ZNF330: variants seen among roughly 807,000 people sequenced by gnomAD.
ZNF330 encodes zinc finger protein 330.
ZNF330 carries 31 observed loss-of-function variants against 45.5 expected under a neutral mutation model. The observed-to-expected ratio is 0.68, with a 90% CI of 0.51 to 0.92. ZNF330 has a LOEUF of 0.92. Among genes scored for constraint, ZNF330 ranks in the 40% least tolerant of loss-of-function variants. ZNF330 has a pLI of 0.00. For missense variants in ZNF330, 356 were observed against 387.4 expected, an observed-to-expected ratio of 0.92 and a Z score of 0.68; for synonymous variants, 138 against 123.2, an observed-to-expected ratio of 1.12 and a Z score of -0.79.
chr4:141,225,686 C>G (rs1477614415), intron 4 of ZNF330, among the ~76,000 whole-genome samples: 1 of 151,960 alleles, frequency 6.6e-6, no homozygotes, highest in African/African-American at 2.4e-5. Context: ...CTTTTCAATT[C>G]CACAATTAAT....
chr4:141,223,141 A>G (rs1366981275), intron 2 of ZNF330, among the ~76,000 whole-genome samples: 5 of 152,042 alleles, frequency 3.3e-5, no homozygotes, highest in Non-Finnish European at 5.9e-5. Flanking sequence ...GCAAACGTTT[A>G]TTGTGCATCT....
intron 4 of ZNF330, among the ~76,000 whole-genome samples, chr4:141,225,296 A>G (rs1006284634): frequency 1.3e-5 from 2 of 152,142 alleles, no homozygotes; most frequent in African/African-American, 4.8e-5. Context: ...TGTTTCCCAA[A>G]TAGTCTTCCA....
At position 141,224,520 on chromosome 4, in the gene ZNF330, C is replaced by T. The variant is rs769588287; in HGVS notation, c.140+14C>T. 23 of 1,604,534 alleles carry T rather than the reference C, an allele frequency of 1.4e-5. No individual in the cohort carries two copies. The highest frequency in any genetic ancestry group is 1.7e-5 in the Non-Finnish European group (20 of 1,172,356). On this transcript the variant is annotated intron_variant, in intron 3 of 9. Transcript: ENST00000262990. ...CAAGTGTCAGAGGTAAATTTTATTT[C>T]TTTTTCTATCTACCTTTAATAAAAT...
In ZNF330 at chr4:141,222,622, G is replaced by A. The variant is rs536167779; in HGVS notation, c.120+131G>A. On this transcript the variant is annotated intron_variant, in intron 2 of 9. Transcript: ENST00000262990. The stretch of plus-strand genomic sequence containing the variant: ...GTTTGTTGCTGAATTTAGTATCTCT[G>A]GCACGTCTGTTGATTTCACTGAGTG... The A allele has an allele frequency of 4.3e-4, 398 of 930,454 alleles. 8 individuals are homozygous for A. In the South Asian group the frequency reaches 7.4e-3, roughly 17 times the overall value. 57.6% of individuals were successfully genotyped at this position (930,454 alleles called of 1,614,324 possible).
chr4:141,228,776 T>C (rs1317759381), intron 5 of ZNF330, among the ~76,000 whole-genome samples: 1 of 152,004 alleles, frequency 6.6e-6, no homozygotes, highest in Non-Finnish European at 1.5e-5. Context: ...ATTGAGATTC[T>C]GAAATCCTGG....
At position 141,233,942 on chromosome 4, in the gene ZNF330, A is replaced by G; in HGVS notation, c.916A>G (p.Arg306Gly). 5.6e-6 allele frequency: 9 copies of G among 1,613,740 alleles called. No individual in the cohort carries two copies. The highest frequency in any genetic ancestry group is 5.9e-6 in the Non-Finnish European group (7 of 1,179,746). The stretch of plus-strand genomic sequence containing the variant: ...TTTGTTTACTAATTTGAATTTAGGA[A>G]GGACCTATGCTAGTGGCTATGCTCA... ...SDLFTNLNLG[R>G]TYASGYAHYE... The change falls in exon 10 of 10, where the codon AGG (arginine) becomes GGG (glycine). Residue 306 changes from arginine (R) to glycine (G), a missense_variant. Transcript: ENST00000262990.
intron 5 of ZNF330, among the ~76,000 whole-genome samples, chr4:141,227,516 AT>A (rs1349342235): frequency 6.6e-6 from 1 of 151,950 alleles, no homozygotes; most frequent in East Asian, 1.9e-4. Flanking sequence ...TATGTGCCAC[AT>A]TTTCTTAATC....
chr4:141,223,924 T>C, intron 2 of ZNF330: 1 of 375,374 alleles, frequency 2.7e-6, no homozygotes, highest in Non-Finnish European at 5.3e-6. Context: ...AAGACATATT[T>C]GGAGAATGGC....
In ZNF330 at chr4:141,229,774, AGATTTTTTTCAG is replaced by A. The variant is rs145926381; in HGVS notation, c.418+81_418+92del. On this transcript the variant is annotated intron_variant, in intron 6 of 9. Transcript: ENST00000262990. Reference sequence around the variant, plus strand: ...TGAAACATTTTGAATGCTGTTTTTGAGATTTTTTTCAGGATACTGTCAATCCTAACTACTGGT... The same window carrying A: ...TGAAACATTTTGAATGCTGTTTTTGAGATACTGTCAATCCTAACTACTGGT... The A allele has an allele frequency of 6.1e-3, 9,663 of 1,588,368 alleles. 508 individuals are homozygous for A. The African/African-American group carries it at 0.11, about 19-fold the overall frequency.
chr4:141,220,796 T>C (rs1377063468), upstream of ZNF330: 2 of 152,320 alleles, frequency 1.3e-5, no homozygotes, highest in East Asian at 1.9e-4. Flanking sequence ...GATCCTCTGC[T>C]TAGGAATGGG....
At chr4:141,221,794 G>GAC (rs3836663) in intron 1 of ZNF330, among the ~76,000 whole-genome samples, 4 of 151,880 alleles carry the variant, frequency 2.6e-5, no homozygotes, top group African/African-American at 9.7e-5. Flanking sequence ...ATTTGTTAAA[G>GAC]TCAGAGCAAC....
chr4:141,230,732 C>G (rs1331340136), intron 7 of ZNF330, among the ~76,000 whole-genome samples: 1 of 152,028 alleles, frequency 6.6e-6, no homozygotes, highest in African/African-American at 2.4e-5. Context: ...TGTAGATGTC[C>G]AGGCCTCATC....
chr4:141,224,184 A>G, intron 2 of ZNF330, among the ~76,000 whole-genome samples: 1 of 152,230 alleles, frequency 6.6e-6, no homozygotes, highest in East Asian at 1.9e-4. Flanking sequence ...TCAAAAGGAT[A>G]GTTCTTGTGT....
chr4:141,221,287 A>G (rs938602751), intron 1 of ZNF330, among the ~76,000 whole-genome samples, 179 bp downstream of exon 1: 6 of 152,208 alleles, frequency 3.9e-5, no homozygotes, highest in Non-Finnish European at 5.9e-5. Flanking sequence ...TGACACACGC[A>G]GTGCATGCAA....
chr4:141,230,076 C>T (rs895899771), intron 6 of ZNF330, 90 bp from the exon 7 acceptor site: 43 of 912,044 alleles, frequency 4.7e-5, no homozygotes, highest in Non-Finnish European at 4.7e-5. Flanking sequence ...TCCAAAGTAA[C>T]TTACCATCTC....
At chr4:141,220,884 C>A (rs890936192), upstream of ZNF330, 6 of 152,266 alleles carry the variant, frequency 3.9e-5, no homozygotes, top group African/African-American at 1.4e-4. Flanking sequence ...TGACGTCAGC[C>A]GTAAGGCGCT....
intron 8 of ZNF330, among the ~76,000 whole-genome samples, chr4:141,232,146 C>T (rs1728975748): frequency 6.6e-6 from 1 of 152,086 alleles, no homozygotes; most frequent in African/African-American, 2.4e-5. Context: ...TCTGCACTTC[C>T]CGTTCAGTGC....
intron 8 of ZNF330, 29 bp from the exon 9 acceptor site, chr4:141,232,496 A>G: frequency 8.2e-7 from 1 of 1,216,458 alleles, no homozygotes; most frequent in South Asian, 1.9e-5. Context: ...ATTTTTATTT[A>G]TTTACTTTAT....
At position 141,222,463 on chromosome 4, in the gene ZNF330, T is replaced by A. The variant is rs1728705392; in HGVS notation, c.92T>A (p.Leu31Ter). ...QLRASRSTID[L>*]AKHPCNASME... ...AGAGCATCAAGAAGCACTATAGATT[T>A]AGCTAAACATCCATGTAATGCCTCA... Residue 31 changes from leucine to a stop codon, truncating the protein, a stop_gained, in exon 2 of 10, where the codon TTA (leucine) becomes TAA (stop). Transcript: ENST00000262990. LOFTEE classifies it high-confidence loss of function. 2 of 1,613,484 alleles carry A rather than the reference T, an allele frequency of 1.2e-6. No individual in the cohort carries two copies. The highest frequency in any genetic ancestry group is 3.3e-5 in the Admixed American group (2 of 59,946).
Sources: gnomAD v4.1 joint callset for allele counts (sites outside exome capture counted in the v4.1 genomes callset) on GRCh38, gnomAD v4.1.1 for gene constraint, MANE v1.5 for transcripts, NCBI Gene and HGNC (gene_info 2026-07-23, HGNC 2026-07-21) for gene names.